SLC25A13: variants seen among roughly 807,000 people sequenced by gnomAD.
SLC25A13 encodes solute carrier family 25 member 13, also known as electrogenic aspartate/glutamate antiporter SLC25A13, mitochondrial.
A neutral mutation model predicts 85.5 loss-of-function variants in SLC25A13; 70 were observed. The observed-to-expected ratio is 0.82, with a 90% confidence interval of 0.68 to 1.00. SLC25A13 has a LOEUF of 1.00. SLC25A13 is among the 50% of genes least tolerant of loss of function. The pLI is 0.00. For missense variants in SLC25A13, 765 were observed against 819.8 expected (o/e 0.93, Z 0.82); for synonymous variants, 259 against 288.7 (o/e 0.90, Z 1.04).
At chr7:96,141,827 T>A (rs927626625) in intron 14 of SLC25A13, among the ~76,000 whole-genome samples, 16 of 152,350 alleles carry the variant, frequency 1.1e-4, no homozygotes, top group African/African-American at 2.9e-4. Context: ...AAAAACTGGA[T>A]AAAATCTATT....
At position 96,279,951 on chromosome 7, in the gene SLC25A13, C is replaced by T. The variant is rs780763163; in HGVS notation, c.70-2613G>A. ...TTATCATATGGTCACCAGGGAAAGG[C>T]GTGACAAAATGGCTCCATCTGCAGT... On this transcript the variant is annotated intron_variant, in intron 2 of 17. Transcript: ENST00000265631. Among the ~76,000 whole-genome samples, 7 of 152,200 alleles carry T rather than the reference C, an allele frequency of 4.6e-5. No homozygotes were observed. The East Asian group carries it at 9.7e-4, about 21-fold the overall frequency.
intron 2 of SLC25A13, among the ~76,000 whole-genome samples, chr7:96,292,047 C>T (rs1170418839): frequency 6.6e-6 from 1 of 152,132 alleles, no homozygotes; most frequent in East Asian, 1.9e-4. Context: ...ACTGGCAAAC[C>T]AAATTCAGCA....
intron 1 of SLC25A13, among the ~76,000 whole-genome samples, chr7:96,298,142 C>A (rs1454272152): frequency 3.3e-5 from 5 of 152,194 alleles, no homozygotes; most frequent in South Asian, 2.1e-4. Flanking sequence ...ACACTGGACC[C>A]ATGTTGCTAT....
At chr7:96,298,037 C>A (rs1799411286) in intron 1 of SLC25A13, among the ~76,000 whole-genome samples, 1 of 152,148 alleles carries the variant, frequency 6.6e-6, no homozygotes, top group African/African-American at 2.4e-5. Context: ...TCCCAACACC[C>A]AATCCTCCTA....
At chr7:96,319,665 T>C (rs1221891993) in intron 1 of SLC25A13, among the ~76,000 whole-genome samples, 2 of 152,150 alleles carry the variant, frequency 1.3e-5, no homozygotes, top group African/African-American at 4.8e-5. Context: ...TCACCTCTAG[T>C]AAGCACATAA....
chr7:96,226,677 G>A (rs1796339382), intron 4 of SLC25A13, among the ~76,000 whole-genome samples: 1 of 151,578 alleles, frequency 6.6e-6, no homozygotes, highest in Non-Finnish European at 1.5e-5. Flanking sequence ...AGAAAAGAAA[G>A]AAAAAGAAAA....
At position 96,191,258 on chromosome 7, in the gene SLC25A13, T is replaced by C. The variant is rs879255503; in HGVS notation, c.616-11A>G. ...GGTACCTCCAGCAGCCTCAAATAAA[T>C]TGAAAACAAGAGAGAAGAAAAATAT... On this transcript the variant is annotated splice_polypyrimidine_tract_variant and intron_variant, in intron 6 of 17. Coordinates refer to ENST00000265631, the MANE Select transcript of SLC25A13 (RefSeq NM_014251.3). 1 of 1,613,474 alleles carries C rather than the reference T, an allele frequency of 6.2e-7. No homozygotes were observed. The highest frequency in any genetic ancestry group is 2.2e-5 in the East Asian group (1 of 44,832).
At chr7:96,268,471 G>C (rs1392488175) in intron 3 of SLC25A13, among the ~76,000 whole-genome samples, 2 of 152,080 alleles carry the variant, frequency 1.3e-5, no homozygotes, top group African/African-American at 4.8e-5. Context: ...CAAATGCTGG[G>C]ACAAGCCCTC....
At chr7:96,186,289 C>T (rs893396526) in intron 9 of SLC25A13, among the ~76,000 whole-genome samples, 1 of 151,946 alleles carries the variant, frequency 6.6e-6, no homozygotes, top group Admixed American at 6.6e-5. Context: ...ATTAGCCGGA[C>T]GTGGTGGCGC....
chr7:96,189,759 G>T, intron 7 of SLC25A13, 85 bp from the exon 8 acceptor site: 1 of 1,069,706 alleles, frequency 9.3e-7, no homozygotes, highest in Non-Finnish European at 1.5e-6. Flanking sequence ...TGGAATGAGT[G>T]AACATCACAA....
chr7:96,235,828 TG>T (rs1796722460), intron 3 of SLC25A13, among the ~76,000 whole-genome samples: 1 of 152,150 alleles, frequency 6.6e-6, no homozygotes, highest in Non-Finnish European at 1.5e-5. Context: ...GGTCAAAATG[TG>T]GGTCAAATCT....
intron 4 of SLC25A13, among the ~76,000 whole-genome samples, chr7:96,230,220 C>G (rs1796489888): frequency 6.6e-6 from 1 of 152,106 alleles, no homozygotes; most frequent in Non-Finnish European, 1.5e-5. Flanking sequence ...CAAAGGAAGC[C>G]AGACCAAAAG....
chr7:96,132,018 G>A lies in SLC25A13; in HGVS notation c.1453-137C>T. On this transcript the variant is annotated intron_variant, in intron 14 of 17. Coordinates refer to ENST00000265631, the MANE Select transcript of SLC25A13 (RefSeq NM_014251.3). The stretch of plus-strand genomic sequence containing the variant: ...GTACTCACACATTGAAAGGGGAACA[G>A]AAAAAAATAACCCAAATTCTGCAAG... 2.7e-6 allele frequency: 3 copies of A among 1,116,546 alleles called. No individual in the cohort carries two copies. In the Admixed American group the frequency reaches 6.6e-5, roughly 24 times the overall value. The allele number at this position is 1,116,546 out of a possible 1,614,324, so 69.2% of individuals were successfully genotyped here.
At chr7:96,216,759 G>T (rs1795915717) in intron 4 of SLC25A13, among the ~76,000 whole-genome samples, 1 of 152,126 alleles carries the variant, frequency 6.6e-6, no homozygotes, top group South Asian at 2.1e-4. Flanking sequence ...GTAAAGGGTG[G>T]GAGGAGGGAG....
At chr7:96,241,294 T>C (rs1318153996) in intron 3 of SLC25A13, among the ~76,000 whole-genome samples, 1 of 152,200 alleles carries the variant, frequency 6.6e-6, no homozygotes, top group Non-Finnish European at 1.5e-5. Flanking sequence ...ACAATTGCAC[T>C]TCTAGGAGTT....
chr7:96,200,414 T>C (rs1795211235), intron 5 of SLC25A13, among the ~76,000 whole-genome samples: 2 of 152,330 alleles, frequency 1.3e-5, no homozygotes, highest in African/African-American at 2.4e-5. Context: ...CTATGCTAAT[T>C]TGAAGAAAAA....
intron 6 of SLC25A13, among the ~76,000 whole-genome samples, chr7:96,192,071 G>A (rs936565084): frequency 1.1e-4 from 16 of 152,144 alleles, no homozygotes; most frequent in Admixed American, 7.2e-4. Context: ...TGAAAGTTTA[G>A]TATGGAGTAG....
At chr7:96,226,536 T>A (rs1156432805) in intron 4 of SLC25A13, among the ~76,000 whole-genome samples, 1 of 152,032 alleles carries the variant, frequency 6.6e-6, no homozygotes, top group Admixed American at 6.6e-5. Context: ...ATATGGTACT[T>A]CTATTTGTAA....
intron 5 of SLC25A13, 43 bp from the exon 6 acceptor site, chr7:96,193,226 T>C (rs1434700514): frequency 1.2e-6 from 2 of 1,603,520 alleles, no homozygotes; most frequent in Admixed American, 3.3e-5. Flanking sequence ...TGCTTCTCAT[T>C]TAATAATTAC....
Sources: gnomAD v4.1 joint callset for allele counts (sites outside exome capture counted in the v4.1 genomes callset) on GRCh38, gnomAD v4.1.1 for gene constraint, MANE v1.5 for transcripts, NCBI Gene and HGNC (gene_info 2026-07-23, HGNC 2026-07-21) for gene names.